Variants in RABGAP1L observed in about 807,000 individuals in gnomAD.
RABGAP1L encodes RAB GTPase activating protein 1 like, also known as rab GTPase-activating protein 1-like.
Under a neutral mutation model 137.7 loss-of-function variants are expected in RABGAP1L, and 63 were observed. The ratio of observed to expected loss-of-function variants is 0.46; its 90% CI spans 0.37 to 0.56. The LOEUF (loss-of-function observed/expected upper bound fraction) is 0.56, where lower values mean the gene tolerates loss of function less well. Ranked by LOEUF, RABGAP1L falls within the 20% of genes least tolerant of loss-of-function variation. The pLI, the probability that RABGAP1L is intolerant of heterozygous loss-of-function variation, is 0.00. For synonymous variants in RABGAP1L, 431 were observed against 433.7 expected (o/e 0.99, Z 0.08); for missense variants, 1,095 against 1,244.0 (o/e 0.88, Z 1.80).
chr1:174,250,727 A>C (rs1385376780), intron 6 of RABGAP1L, 95 bp downstream of exon 6: 2 of 1,052,546 alleles, frequency 1.9e-6, no homozygotes, highest in African/African-American at 3.2e-5. Context: ...GTTGGCATAA[A>C]GCCTCAAACT....
intron 1 of RABGAP1L, among the ~76,000 whole-genome samples, chr1:174,172,085 T>C (rs1665441658): frequency 6.6e-6 from 1 of 152,002 alleles, no homozygotes; most frequent in African/African-American, 2.4e-5. Flanking sequence ...GTCTGGCTTA[T>C]TTCATTTAAC....
intron 18 of RABGAP1L, among the ~76,000 whole-genome samples, chr1:174,766,284 C>A (rs115584874): frequency 4.6e-5 from 7 of 152,216 alleles, no homozygotes; most frequent in African/African-American, 1.7e-4. Context: ...CCCTAGCATA[C>A]CATACACTAG....
intron 12 of RABGAP1L, among the ~76,000 whole-genome samples, chr1:174,386,781 A>G (rs1686826596): frequency 2.0e-5 from 3 of 152,126 alleles, no homozygotes; most frequent in African/African-American, 7.2e-5. Flanking sequence ...TGCTGGGATT[A>G]CAGGTGTGAG....
At chr1:174,288,271 G>C (rs187896693) in intron 10 of RABGAP1L, among the ~76,000 whole-genome samples, 1 of 151,560 alleles carries the variant, frequency 6.6e-6, no homozygotes, top group East Asian at 1.9e-4. Flanking sequence ...AGAGAATTCT[G>C]ATTTTGACTA....
chr1:174,752,513 T>A (rs1382220021), intron 18 of RABGAP1L, among the ~76,000 whole-genome samples, 159 bp downstream of exon 18: 1 of 152,168 alleles, frequency 6.6e-6, no homozygotes, highest in Non-Finnish European at 1.5e-5. Flanking sequence ...CCTCCTCTCA[T>A]CTTTTTCTGT....
At chr1:174,476,058 C>T (rs577146175) in intron 13 of RABGAP1L, among the ~76,000 whole-genome samples, 19 of 152,086 alleles carry the variant, frequency 1.2e-4, no homozygotes, top group Non-Finnish European at 2.1e-4. Flanking sequence ...CAAAGGTTAG[C>T]GGAGTGACCT....
chr1:174,196,970 A>T (rs2148369873), intron 1 of RABGAP1L, among the ~76,000 whole-genome samples: 1 of 152,282 alleles, frequency 6.6e-6, no homozygotes, highest in African/African-American at 2.4e-5. Context: ...GTAGATATAG[A>T]TCATATTAAA....
At chr1:174,438,231 C>T (rs530120903) in intron 13 of RABGAP1L, among the ~76,000 whole-genome samples, 3 of 152,250 alleles carry the variant, frequency 2.0e-5, no homozygotes, top group Admixed American at 2.0e-4. Context: ...AGTCTTTCAA[C>T]TTTGTTTTTT....
chr1:174,181,273 T>C (rs1666330237), intron 1 of RABGAP1L, among the ~76,000 whole-genome samples: 2 of 152,246 alleles, frequency 1.3e-5, no homozygotes, highest in South Asian at 4.2e-4. Flanking sequence ...CCCAAGTAGC[T>C]GGAATTATGT....
At chr1:174,926,882 G>T (rs1469027795) in intron 19 of RABGAP1L, among the ~76,000 whole-genome samples, 2 of 151,902 alleles carry the variant, frequency 1.3e-5, no homozygotes, top group African/African-American at 4.8e-5. Flanking sequence ...AGACCAGCCT[G>T]GCCAATATGG....
intron 6 of RABGAP1L, among the ~76,000 whole-genome samples, chr1:174,251,913 T>C (rs80347830): frequency 6.6e-6 from 1 of 151,556 alleles, no homozygotes; most frequent in Non-Finnish European, 1.5e-5. Flanking sequence ...TTTTTTTTTT[T>C]GGAGATAGAG....
At chr1:174,837,699 C>G (rs986610464) in intron 19 of RABGAP1L, among the ~76,000 whole-genome samples, 1 of 152,094 alleles carries the variant, frequency 6.6e-6, no homozygotes, top group Non-Finnish European at 1.5e-5. Flanking sequence ...GGTTGAAATT[C>G]TAAAACAAAA....
chr1:174,988,845 G>T lies in RABGAP1L; in HGVS notation c.3003+7G>T, dbSNP rs1174695669. 4.6e-6 allele frequency: 7 copies of T among 1,533,256 alleles called. No individual in the cohort carries two copies. Among genetic ancestry groups the T allele is most frequent in the Non-Finnish European group, 6.1e-6 (7 of 1,139,640 alleles). 95.0% of individuals were successfully genotyped at this position (1,533,256 alleles called of 1,614,324 possible). The stretch of plus-strand genomic sequence containing the variant: ...GGCCAAGTGTAAAATTCAGGTTGGT[G>T]ATTTGATAAAAGAACAAGAAGAAAG... On this transcript the variant is annotated splice_region_variant and intron_variant, in intron 25 of 25. Coordinates refer to ENST00000681986, the MANE Select transcript of RABGAP1L (RefSeq NM_001366446.1).
At chr1:174,677,741 G>T (rs974705117) in intron 14 of RABGAP1L, among the ~76,000 whole-genome samples, 1 of 152,168 alleles carries the variant, frequency 6.6e-6, no homozygotes, top group Non-Finnish European at 1.5e-5. Context: ...AGTTGGCAAG[G>T]ATTGGCACCA....
intron 19 of RABGAP1L, among the ~76,000 whole-genome samples, chr1:174,842,524 T>G (rs1693527975): frequency 1.3e-5 from 2 of 152,330 alleles, no homozygotes; most frequent in South Asian, 4.1e-4. Context: ...CTTTACTGTT[T>G]CATTTATCTT....
At chr1:174,823,157 CT>C (rs542429314) in intron 19 of RABGAP1L, among the ~76,000 whole-genome samples, 2 of 152,086 alleles carry the variant, frequency 1.3e-5, no homozygotes, top group Admixed American at 6.6e-5. Context: ...TTTAAGTTTT[CT>C]TTTTTTCCCT....
chr1:174,563,052 T>G (rs1334413094), intron 13 of RABGAP1L, among the ~76,000 whole-genome samples: 4 of 152,194 alleles, frequency 2.6e-5, no homozygotes, highest in Non-Finnish European at 5.9e-5. Context: ...ACATATCATC[T>G]GTAGTTACTT....
At chr1:174,435,718 A>G (rs1250763246) in intron 13 of RABGAP1L, among the ~76,000 whole-genome samples, 1 of 151,742 alleles carries the variant, frequency 6.6e-6, no homozygotes, top group Non-Finnish European at 1.5e-5. Flanking sequence ...GGTTTGTTAC[A>G]TATGTATACA....
chr1:174,719,905 C>T (rs1278334164), intron 17 of RABGAP1L, among the ~76,000 whole-genome samples: 1 of 151,916 alleles, frequency 6.6e-6, no homozygotes, highest in Non-Finnish European at 1.5e-5. Flanking sequence ...TATTGCAAGA[C>T]TTGTATTTAT....
Sources: gnomAD v4.1 joint callset for allele counts (sites outside exome capture counted in the v4.1 genomes callset) on GRCh38, gnomAD v4.1.1 for gene constraint, MANE v1.5 for transcripts, NCBI Gene and HGNC (gene_info 2026-07-23, HGNC 2026-07-21) for gene names.